Variants in NCAPG2 observed in about 807,000 individuals in gnomAD.
NCAPG2 encodes the protein condensin-2 complex subunit G2.
NCAPG2 carries 53 observed loss-of-function variants against 141.1 expected under a neutral mutation model. That is an observed-to-expected ratio of 0.38 (90% CI 0.30 to 0.47). NCAPG2 has a LOEUF of 0.47. NCAPG2 is among the 20% of genes least tolerant of loss of function. The pLI is 0.99. For missense variants in NCAPG2, 1,087 were observed against 1,389.0 expected, an observed-to-expected ratio of 0.78 and a Z score of 3.46; for synonymous variants, 499 against 490.7, an observed-to-expected ratio of 1.02 and a Z score of -0.22.
At chr7:158,704,273 G>A (rs543256644) in intron 1 of NCAPG2, among the ~76,000 whole-genome samples, 1 of 145,282 alleles carries the variant, frequency 6.9e-6, no homozygotes, top group East Asian at 2.2e-4. Flanking sequence ...CCCATGCTCA[G>A]GACTGAGGGG....
At chr7:158,654,794 T>A (rs751579033) in intron 21 of NCAPG2, 100 bp from the exon 22 acceptor site, 26 of 1,464,570 alleles carry the variant, frequency 1.8e-5, no homozygotes, top group Non-Finnish European at 9.0e-7. Flanking sequence ...AGTTATCTTA[T>A]AAAGCAGATT....
rs746272700 is a variant in NCAPG2 at position 158,664,671 on chromosome 7, C to T, written c.1559G>A (p.Ser520Asn). 2 of 1,614,146 alleles carry T rather than the reference C, an allele frequency of 1.2e-6. No individual in the cohort carries two copies. Among genetic ancestry groups the T allele is most frequent in the Admixed American group, 1.7e-5 (1 of 60,016 alleles). The change falls in exon 14 of 28, where the codon AGC becomes AAC. Residue 520 changes from serine (S) to asparagine (N), a missense_variant. By Grantham distance (46) the Ser-to-Asn change is conservative. Transcript: ENST00000356309. ...AGGCAGGAAAGAATTAAAGATGAGGCTCACCAGGCGCCGAGACACAGGTCG... is the reference window on the plus strand; with the variant it reads ...AGGCAGGAAAGAATTAAAGATGAGGTTCACCAGGCGCCGAGACACAGGTCG... ...DSRPVSRRLV[S>N]LIFNSFLPVN...
At chr7:158,656,794 A>C in intron 17 of NCAPG2, 89 bp from the exon 18 acceptor site, 3 of 1,443,788 alleles carry the variant, frequency 2.1e-6, no homozygotes, top group Non-Finnish European at 1.9e-6. Flanking sequence ...AGAAGCTAAA[A>C]TCTGACGGTG....
At position 158,671,863 on chromosome 7, in the gene NCAPG2, TC is replaced by T. The variant is rs572528352; in HGVS notation, c.1327-198del. Among the ~76,000 whole-genome samples the T allele has an allele frequency of 2.8e-3, 420 of 152,298 alleles. 2 individuals are homozygous for T. Among genetic ancestry groups the T allele is most frequent in the African/African-American group, 9.1e-3 (380 of 41,564 alleles). Reference sequence around the variant, plus strand: ...CATACTTTTAATGAACCAGTATAGGTCCAACCACTGCTATTTGGTCCATCCA... The same window carrying T: ...CATACTTTTAATGAACCAGTATAGGTCAACCACTGCTATTTGGTCCATCCA... On this transcript the variant is annotated intron_variant, in intron 12 of 27. Coordinates refer to ENST00000356309, the MANE Select transcript of NCAPG2 (RefSeq NM_017760.7).
chr7:158,668,371 T>TACTGGGTCCCTCCGCCCTCCTTACCCACA (rs1833429510), intron 13 of NCAPG2: 1 of 957,864 alleles, frequency 1.0e-6, no homozygotes, highest in African/African-American at 2.1e-5. Flanking sequence ...CCTTACCCAC[T>TACTGGGTCCCTCCGCCCTCCTTACCCACA]ACTGGGTCCC....
At chr7:158,695,529 C>T (rs1194099037) in intron 2 of NCAPG2, among the ~76,000 whole-genome samples, 1 of 152,216 alleles carries the variant, frequency 6.6e-6, no homozygotes. Flanking sequence ...AGACACACAC[C>T]CAGCTTCACT....
chr7:158,676,067 C>T (rs766701882), intron 11 of NCAPG2, among the ~76,000 whole-genome samples: 2 of 152,150 alleles, frequency 1.3e-5, no homozygotes, highest in Non-Finnish European at 2.9e-5. Flanking sequence ...AGGCCATGAT[C>T]GTCAGTGGTA....
chr7:158,695,980 C>G (rs992782179), intron 2 of NCAPG2, among the ~76,000 whole-genome samples: 1 of 152,230 alleles, frequency 6.6e-6, no homozygotes, highest in Admixed American at 6.5e-5. Flanking sequence ...CAGCAAGGTG[C>G]CTTTTTGTAG....
intron 13 of NCAPG2, among the ~76,000 whole-genome samples, chr7:158,666,880 C>G (rs1563536814): frequency 6.6e-6 from 1 of 152,154 alleles, no homozygotes; most frequent in Non-Finnish European, 1.5e-5. Context: ...ACAAAGGAAA[C>G]AAAGAGAAAG....
chr7:158,694,508 C>A (rs1303375734), intron 2 of NCAPG2, among the ~76,000 whole-genome samples: 1 of 152,212 alleles, frequency 6.6e-6, no homozygotes, highest in Non-Finnish European at 1.5e-5. Flanking sequence ...GACGGACAGA[C>A]CATGCCATGC....
chr7:158,637,738 C>A (rs1051507317), intron 27 of NCAPG2, among the ~76,000 whole-genome samples: 6 of 152,170 alleles, frequency 3.9e-5, no homozygotes, highest in Non-Finnish European at 2.9e-5. Context: ...CCTTCCTTGG[C>A]GGCGCTCACC....
chr7:158,692,876 G>A lies in NCAPG2; in HGVS notation c.348C>T (p.Tyr116=), dbSNP rs758285201. 7.6e-6 allele frequency: 12 copies of A among 1,588,172 alleles called. No homozygotes were observed. Among genetic ancestry groups the A allele is most frequent in the Non-Finnish European group, 1.0e-5 (12 of 1,160,574 alleles). ...TAATAACACATTCCAGTAGGGCTTC[G>A]TAGTTCTCACTTTCATTTATTACAG... ...SVSVINESEN[Y]EALLECVIIL... Residue 116 remains tyrosine (Y), a synonymous_variant, in exon 4 of 28, where the codon TAC becomes TAT. Transcript: ENST00000356309.
chr7:158,661,101 TTTG>T (rs1287057807), intron 16 of NCAPG2, among the ~76,000 whole-genome samples: 1 of 152,144 alleles, frequency 6.6e-6, no homozygotes, highest in African/African-American at 2.4e-5. Flanking sequence ...CTAATACAAT[TTTG>T]GCAACTAATA....
Position 158,689,869 on chromosome 7 carries a change from CTT to C in NCAPG2, c.620_621del (p.Lys207ArgfsTer5), listed in dbSNP as rs1355762906. The C allele has an allele frequency of 1.9e-6, 3 of 1,599,654 alleles. No homozygotes were observed. In the Admixed American group the frequency reaches 5.1e-5, roughly 27 times the overall value. On this transcript the variant is annotated frameshift_variant, in exon 6 of 28. Transcript: ENST00000356309. LOFTEE classifies it high-confidence loss of function. ...DYDLEESGEI[K>X]DMLLECFINI... The stretch of plus-strand genomic sequence containing the variant: ...TTTATGAAGCACTCAAGTAACATAT[CTT>C]TAATTTCTCCACTTTCCTCCAAATC...
intron 2 of NCAPG2, among the ~76,000 whole-genome samples, chr7:158,698,399 T>G (rs191347963): frequency 6.6e-6 from 1 of 152,348 alleles, no homozygotes; most frequent in Non-Finnish European, 1.5e-5. Flanking sequence ...CCAGCTACAC[T>G]AAGTGCCCTA....
At chr7:158,644,993 C>A (rs1041402720) in intron 26 of NCAPG2, among the ~76,000 whole-genome samples, 10 of 152,076 alleles carry the variant, frequency 6.6e-5, no homozygotes, top group African/African-American at 2.4e-4. Flanking sequence ...AGGCAGTCAC[C>A]CTGCAGGGAT....
chr7:158,636,157 A>G (rs1344718604), intron 27 of NCAPG2, among the ~76,000 whole-genome samples: 1 of 152,202 alleles, frequency 6.6e-6, no homozygotes, highest in Non-Finnish European at 1.5e-5. Flanking sequence ...ATGGAGAAAC[A>G]AAACGCTCCA....
chr7:158,704,782 C>A lies in NCAPG2; in HGVS notation c.-98G>T, dbSNP rs1423499622. ...GACCAGATTCAAACGCACCCGCCGG[C>A]GCCCCAGACGGGCCCCGCCCTCCCG... is the stretch of plus-strand genomic sequence containing the variant. On this transcript the variant is annotated 5_prime_UTR_variant, in exon 1 of 28. Coordinates refer to ENST00000356309, the MANE Select transcript of NCAPG2 (RefSeq NM_017760.7). 1.3e-5 allele frequency: 2 copies of A among 152,270 alleles called. No homozygotes were observed. The highest frequency in any genetic ancestry group is 2.1e-4 in the South Asian group (1 of 4,844). The allele number at this position is 152,270 out of a possible 1,614,324, so 9.4% of individuals were successfully genotyped here. A position where few individuals can be genotyped will look rare whatever the true frequency, so the allele number is the denominator to read the frequency against.
At chr7:158,649,588 T>C (rs986566374) in intron 24 of NCAPG2, among the ~76,000 whole-genome samples, 7 of 152,268 alleles carry the variant, frequency 4.6e-5, no homozygotes, top group Non-Finnish European at 1.0e-4. Context: ...TATTCTATTG[T>C]GTAATCTAGT....
Sources: gnomAD v4.1 joint callset for allele counts (sites outside exome capture counted in the v4.1 genomes callset) on GRCh38, gnomAD v4.1.1 for gene constraint, MANE v1.5 for transcripts, NCBI Gene and HGNC (gene_info 2026-07-23, HGNC 2026-07-21) for gene names.